The following WWP1 variants were observed in gnomAD, a reference collection of about 807,000 sequenced individuals.
WWP1 encodes the protein WW domain containing E3 ubiquitin protein ligase 1.
A neutral mutation model predicts 130.6 loss-of-function variants in WWP1; 49 were observed. The observed-to-expected ratio is 0.38, with a 90% CI of 0.30 to 0.48. WWP1 has a LOEUF of 0.48. Ranked by LOEUF, WWP1 falls within the 20% of genes least tolerant of loss-of-function variation. The pLI is 0.99. For synonymous variants in WWP1, 332 were observed against 367.8 expected (o/e 0.90, Z 1.11); for missense variants, 809 against 1,100.6 (o/e 0.74, Z 3.75).
chr8:86,424,196 C>A (rs1206883528), intron 9 of WWP1, among the ~76,000 whole-genome samples: 2 of 151,764 alleles, frequency 1.3e-5, no homozygotes, highest in African/African-American at 4.8e-5. Context: ...GCGCTCCTCA[C>A]ATCCCAGACG....
intron 5 of WWP1, among the ~76,000 whole-genome samples, chr8:86,383,729 G>T (rs553765453): frequency 2.0e-5 from 3 of 152,264 alleles, no homozygotes; most frequent in African/African-American, 7.2e-5. Context: ...GCTACAGAGC[G>T]AGACTCCCTC....
rs774003211 is a variant in WWP1, at chr8:86,431,392, A to C, written c.1388-14A>C. The C allele has an allele frequency of 9.7e-6, 15 of 1,545,248 alleles. No homozygotes were observed. The South Asian group carries it at 1.8e-4, about 19-fold the overall frequency. On this transcript the variant is annotated splice_polypyrimidine_tract_variant and intron_variant, in intron 12 of 24. Transcript: ENST00000517970. Reference sequence around the variant, plus strand: ...TAAATAGTTATTAAATATTATACTCACTTTATATTTCAGAAAAAAGAGTGG... The same window carrying C: ...TAAATAGTTATTAAATATTATACTCCCTTTATATTTCAGAAAAAAGAGTGG...
At chr8:86,420,223 C>T (rs1218471228) in intron 9 of WWP1, among the ~76,000 whole-genome samples, 1 of 152,106 alleles carries the variant, frequency 6.6e-6, no homozygotes, top group African/African-American at 2.4e-5. Context: ...TCACTCTAGA[C>T]TAGAAGCTAA....
At position 86,448,356 on chromosome 8, in the gene WWP1, A is replaced by C. The variant is rs1221140933; in HGVS notation, c.2133-17A>C. 1.2e-6 allele frequency: 2 copies of C among 1,605,874 alleles called. No homozygotes were observed. The highest frequency in any genetic ancestry group is 4.5e-5 in the East Asian group (2 of 44,696). On this transcript the variant is annotated splice_polypyrimidine_tract_variant and intron_variant, in intron 19 of 24. Transcript: ENST00000517970. ...TTTCATTTTGTTAATTAGTGTATATATATTTATTTCACCCAGAGATAACAA... is the reference window on the plus strand; with the variant it reads ...TTTCATTTTGTTAATTAGTGTATATCTATTTATTTCACCCAGAGATAACAA...
intron 24 of WWP1, among the ~76,000 whole-genome samples, chr8:86,464,926 TG>T (rs1811965559): frequency 6.6e-6 from 1 of 151,974 alleles, no homozygotes; most frequent in Admixed American, 6.6e-5. Flanking sequence ...CGCGCGTGTG[TG>T]TGTGTATTGA....
intron 9 of WWP1, among the ~76,000 whole-genome samples, chr8:86,418,650 A>C (rs1201914898): frequency 6.6e-6 from 1 of 152,134 alleles, no homozygotes; most frequent in Admixed American, 6.5e-5. Flanking sequence ...AGAAACCCTA[A>C]TTCCCTTCCC....
Position 86,460,915 on chromosome 8 carries a change from TTC to T in WWP1, c.2500-306_2500-305del, listed in dbSNP as rs1278684123. Among the ~76,000 whole-genome samples, 9 of 144,098 alleles carry T rather than the reference TTC, an allele frequency of 6.2e-5. No individual in the cohort carries two copies. The East Asian group carries it at 2.1e-3, about 34-fold the overall frequency. 94.5% of individuals were successfully genotyped at this position (144,098 alleles called of 152,430 possible). A position where few individuals can be genotyped will look rare whatever the true frequency, so the allele number is the denominator to read the frequency against. ...AGCTCCACCTCCCGGGTTCACGCCA[TTC>T]TCCTGCCTCAGCCTCTCGAGTAGCT... On this transcript the variant is annotated intron_variant, in intron 22 of 24. Coordinates refer to ENST00000517970, the MANE Select transcript of WWP1 (RefSeq NM_007013.4).
chr8:86,370,855 CTTTTTTTTTTTTT>C lies in WWP1; in HGVS notation c.-22+1840_-22+1852del, dbSNP rs555585296. On this transcript the variant is annotated intron_variant, in intron 2 of 24. Coordinates refer to ENST00000517970, the MANE Select transcript of WWP1 (RefSeq NM_007013.4). ...GGTATTGCTTATAGCTATATTCATTCTTTTTTTTTTTTTTTTTTTTTTTTTTTTGAGACAGAGT... is the reference window on the plus strand; with the variant it reads ...GGTATTGCTTATAGCTATATTCATTCTTTTTTTTTTTTTTTGAGACAGAGT... Among the ~76,000 whole-genome samples the C allele has an allele frequency of 5.6e-4, 25 of 44,886 alleles. No homozygotes were observed. The East Asian group carries it at 0.012, about 22-fold the overall frequency. The allele number at this position is 44,886 out of a possible 152,430, so 29.4% of individuals were successfully genotyped here.
chr8:86,411,910 A>G, intron 9 of WWP1, 36 bp downstream of exon 9: 1 of 1,532,960 alleles, frequency 6.5e-7, no homozygotes, highest in East Asian at 2.3e-5. Context: ...CTTGCATTTA[A>G]GTAGCAACTC....
At chr8:86,427,104 A>G (rs548175375) in intron 10 of WWP1, among the ~76,000 whole-genome samples, 59 of 152,104 alleles carry the variant, frequency 3.9e-4, no homozygotes, top group South Asian at 2.9e-3. Flanking sequence ...CAGAGGTTGC[A>G]GTGAGCCAAG....
intron 5 of WWP1, among the ~76,000 whole-genome samples, chr8:86,388,608 C>A (rs1005546328): frequency 8.6e-5 from 13 of 151,922 alleles, no homozygotes; most frequent in Non-Finnish European, 1.5e-5. Flanking sequence ...GGTCTGTGTT[C>A]TGGTTTTGAT....
At chr8:86,443,057 A>G (rs951918801) in intron 18 of WWP1, among the ~76,000 whole-genome samples, 7 of 151,966 alleles carry the variant, frequency 4.6e-5, no homozygotes, top group Admixed American at 2.0e-4. Context: ...TTATTTGTTT[A>G]TTTATTTTTA....
In WWP1 at chr8:86,402,094, G is replaced by A. The variant is rs780130440; in HGVS notation, c.615G>A (p.Ser205=). ...CTCTAGTCCAAAACTCATGCTGCTC[G>A]TATGTAGTTAATGGAGACAACACAC... ...TSTLVQNSCC[S]YVVNGDNTPS... is the part of the protein sequence containing the mutation. The change falls in exon 8 of 25, where the codon TCG becomes TCA. Residue 205 remains serine, a synonymous_variant. Coordinates refer to ENST00000517970, the MANE Select transcript of WWP1 (RefSeq NM_007013.4). 20 of 1,613,522 alleles carry A rather than the reference G, an allele frequency of 1.2e-5. No individual in the cohort carries two copies. Among genetic ancestry groups the A allele is most frequent in the South Asian group, 4.4e-5 (4 of 91,062 alleles).
At chr8:86,396,544 C>G (rs1418232483) in intron 5 of WWP1, among the ~76,000 whole-genome samples, 1 of 145,536 alleles carries the variant, frequency 6.9e-6, no homozygotes, top group African/African-American at 2.5e-5. Flanking sequence ...ATAAGGTCTT[C>G]TTTTATCACA....
intron 5 of WWP1, among the ~76,000 whole-genome samples, chr8:86,391,402 G>A (rs1038922039): frequency 1.2e-4 from 19 of 152,124 alleles, no homozygotes; most frequent in Admixed American, 9.8e-4. Flanking sequence ...TTGGCTCTGC[G>A]GAGATGTGTG....
intron 1 of WWP1, among the ~76,000 whole-genome samples, chr8:86,361,992 A>AT (rs1257655068): frequency 7.4e-6 from 1 of 134,658 alleles, no homozygotes; most frequent in Non-Finnish European, 1.6e-5. Flanking sequence ...ATATATATAT[A>AT]CATATATATA....
In WWP1 at chr8:86,448,229, A is replaced by G; in HGVS notation, c.2080A>G (p.Lys694Glu). Residue 694 changes from lysine (K) to glutamate (E), a missense_variant, in exon 19 of 25, where the codon AAG becomes GAG. Around this residue, in one of 3 missense-constraint regions of WWP1, gnomAD observed 450 missense variants for 674.2 expected, o/e 0.67. Coordinates refer to ENST00000517970, the MANE Select transcript of WWP1 (RefSeq NM_007013.4). ...KRMLSKKLTI[K>E]DLESIDTEFY... The stretch of plus-strand genomic sequence containing the variant: ...TATGTTAAGTAAAAAACTTACTATT[A>G]AGGATTTGGAATCTATTGATACTGA... The G allele has an allele frequency of 6.3e-7, 1 of 1,582,862 alleles. No homozygotes were observed. The highest frequency in any genetic ancestry group is 8.5e-7 in the Non-Finnish European group (1 of 1,172,366).
intron 1 of WWP1, among the ~76,000 whole-genome samples, chr8:86,350,754 A>G (rs566250663): frequency 1.3e-3 from 204 of 152,350 alleles, no homozygotes; most frequent in African/African-American, 4.7e-3. Context: ...GCTGTTCAGT[A>G]TACTCATAAA....
chr8:86,389,837 C>A (rs1186420468), intron 5 of WWP1, among the ~76,000 whole-genome samples: 3 of 151,766 alleles, frequency 2.0e-5, no homozygotes, highest in Admixed American at 6.6e-5. Flanking sequence ...TGGGGGCTGC[C>A]CCCCACCTCC....
Sources: allele counts gnomAD v4.1 joint callset (sites outside exome capture counted in the v4.1 genomes callset), GRCh38; gene constraint gnomAD v4.1.1; regional missense constraint gnomAD v4.1.1; transcripts MANE v1.5; gene names NCBI Gene and HGNC (gene_info 2026-07-23, HGNC 2026-07-21).